Variants in EDC3 observed in about 807,000 individuals in gnomAD.
EDC3 encodes the protein enhancer of mRNA-decapping protein 3.
A neutral mutation model predicts 41.8 loss-of-function variants in EDC3; 20 were observed. That is an observed-to-expected ratio of 0.48 (90% CI 0.34 to 0.70). EDC3 has a LOEUF of 0.70. Among genes scored for constraint, EDC3 ranks in the 30% least tolerant of loss-of-function variants. The pLI is 0.01. For synonymous variants in EDC3, 206 were observed against 243.2 expected, an observed-to-expected ratio of 0.85 and a Z score of 1.42; for missense variants, 444 against 636.8, an observed-to-expected ratio of 0.70 and a Z score of 3.26.
chr15:74,679,549 G>C (rs1480117196), intron 1 of EDC3, among the ~76,000 whole-genome samples: 1 of 151,740 alleles, frequency 6.6e-6, no homozygotes, highest in Non-Finnish European at 1.5e-5. Context: ...ACAACAATAA[G>C]ACAAAAACAA....
chr15:74,632,743 G>A lies in EDC3; in HGVS notation c.1396C>T (p.Pro466Ser). Residue 466 changes from proline (P) to serine (S), a missense_variant, in exon 7 of 7, where the codon CCA (proline) becomes TCA (serine). Coordinates refer to ENST00000315127, the MANE Select transcript of EDC3 (RefSeq NM_025083.5). This position sits in a 1 kb window ranked among gnomAD's most constrained non-coding sequence, Gnocchi z 4.0. ...KWSLALGLPL[P>S]LGEHAGRIYL... ...ATACGGCCTGCGTGCTCCCCCAGTG[G>A]CAGAGGCAGGCCCAGTGCCAGTGAC... The A allele has an allele frequency of 1.2e-6, 2 of 1,614,228 alleles. No individual in the cohort carries two copies. The highest frequency in any genetic ancestry group is 8.5e-7 in the Non-Finnish European group (1 of 1,180,040).
chr15:74,690,443 A>G (rs1179440510), intron 1 of EDC3, among the ~76,000 whole-genome samples: 2 of 152,248 alleles, frequency 1.3e-5, no homozygotes, highest in Non-Finnish European at 2.9e-5. Context: ...CAAGTTGCCA[A>G]TTACAAATCT....
At chr15:74,640,978 T>C (rs1024104584) in intron 4 of EDC3, 1 of 248,492 alleles carries the variant, frequency 4.0e-6, no homozygotes, top group Non-Finnish European at 7.8e-6. Context: ...GAACATGATT[T>C]TCCCAAAGTG....
In EDC3 at chr15:74,675,156, G is replaced by A; in HGVS notation, c.-18-14C>T. On this transcript the variant is annotated splice_polypyrimidine_tract_variant and intron_variant, in intron 1 of 6. Coordinates refer to ENST00000315127, the MANE Select transcript of EDC3 (RefSeq NM_025083.5). ...CACGTGAGACCACTGTGAAGAGAAGGAACTATTCAGTGTGCCTTGGTGAAA... is the reference window on the plus strand; with the variant it reads ...CACGTGAGACCACTGTGAAGAGAAGAAACTATTCAGTGTGCCTTGGTGAAA... The A allele has an allele frequency of 1.2e-5, 20 of 1,608,158 alleles. No homozygotes were observed. The highest frequency in any genetic ancestry group is 1.7e-5 in the Non-Finnish European group (20 of 1,178,076).
chr15:74,666,187 C>T (rs1655827430), intron 3 of EDC3, among the ~76,000 whole-genome samples: 1 of 152,176 alleles, frequency 6.6e-6, no homozygotes, highest in South Asian at 2.1e-4. Context: ...GACCTTTTTA[C>T]TTACAGGGCT....
chr15:74,671,583 T>A lies in EDC3; in HGVS notation c.356A>T (p.Lys119Met), dbSNP rs753948126. The change falls in exon 3 of 7, where the codon AAG becomes ATG. Residue 119 changes from lysine (K) to methionine (M), a missense_variant. By Grantham distance (95) the Lys-to-Met change is moderately conservative (BLOSUM62 -1). Transcript: ENST00000315127. The surrounding 1 kb of genome is among the most constrained non-coding windows in gnomAD (Gnocchi z 4.6). ...ATCCTGGCTCTTCACATCTGTCCTC[T>A]TAGGGATATTCTGAGGGGCACTGCT... The part of the protein sequence containing the change: ...SSSSAPQNIP[K>M]RTDVKSQDVA... The A allele has an allele frequency of 1.9e-6, 3 of 1,614,056 alleles. No homozygotes were observed. The highest frequency in any genetic ancestry group is 1.1e-5 in the South Asian group (1 of 91,092).
At chr15:74,635,846 C>T in intron 5 of EDC3, 1 of 575,240 alleles carries the variant, frequency 1.7e-6, no homozygotes, top group Non-Finnish European at 3.1e-6. Context: ...CTGGGTCCTC[C>T]CACTAAGTGG....
chr15:74,685,703 C>T (rs936586706), intron 1 of EDC3, among the ~76,000 whole-genome samples: 1 of 152,102 alleles, frequency 6.6e-6, no homozygotes, highest in African/African-American at 2.4e-5. Context: ...CCTAACACTT[C>T]CCCACTCACA....
chr15:74,651,030 A>G (rs983746600), intron 4 of EDC3, among the ~76,000 whole-genome samples: 10 of 152,206 alleles, frequency 6.6e-5, no homozygotes, highest in Non-Finnish European at 1.5e-4. Flanking sequence ...AAAAAAATTA[A>G]AAAAAGAATC....
chr15:74,653,447 AC>A (rs1440838656), intron 4 of EDC3, among the ~76,000 whole-genome samples: 1 of 151,926 alleles, frequency 6.6e-6, no homozygotes, highest in Non-Finnish European at 1.5e-5. Flanking sequence ...CACAGAGAAA[AC>A]CCCCCTGTAG....
chr15:74,657,308 A>G (rs1297643027), intron 3 of EDC3, among the ~76,000 whole-genome samples: 1 of 152,226 alleles, frequency 6.6e-6, no homozygotes, highest in Non-Finnish European at 1.5e-5. Context: ...GGTGCCCAGA[A>G]GCGCTCATTC....
chr15:74,650,529 C>A (rs2062468507), intron 4 of EDC3, among the ~76,000 whole-genome samples: 1 of 152,228 alleles, frequency 6.6e-6, no homozygotes, highest in Non-Finnish European at 1.5e-5. Flanking sequence ...ACACCTAGTG[C>A]ACTTAATGTC....
chr15:74,663,600 T>C (rs1205023505), intron 3 of EDC3, among the ~76,000 whole-genome samples: 1 of 150,920 alleles, frequency 6.6e-6, no homozygotes. Context: ...ATCCAAAATC[T>C]GAAACACTTC....
intron 4 of EDC3, among the ~76,000 whole-genome samples, chr15:74,648,657 A>G (rs181082134): frequency 6.6e-6 from 1 of 152,304 alleles, no homozygotes; most frequent in Non-Finnish European, 1.5e-5. Flanking sequence ...AAGGAAATAA[A>G]TAGGAACTCT....
chr15:74,642,758 C>A (rs990105485), intron 4 of EDC3: 4 of 152,280 alleles, frequency 2.6e-5, no homozygotes, highest in African/African-American at 9.6e-5. Flanking sequence ...GCAGCCCCTC[C>A]CCTGCCCCCT....
chr15:74,691,394 A>T (rs2063006006), intron 1 of EDC3, among the ~76,000 whole-genome samples: 1 of 152,234 alleles, frequency 6.6e-6, no homozygotes, highest in Non-Finnish European at 1.5e-5. Context: ...TATAGTGTCT[A>T]CAACATAAAA....
intron 1 of EDC3, among the ~76,000 whole-genome samples, chr15:74,685,136 T>C (rs965721282): frequency 6.6e-6 from 1 of 152,198 alleles, no homozygotes; most frequent in Non-Finnish European, 1.5e-5. Flanking sequence ...GGTTCATGCC[T>C]GTAATCTCAG....
chr15:74,694,972 AAAG>A (rs1216401588), intron 1 of EDC3, among the ~76,000 whole-genome samples: 1 of 152,106 alleles, frequency 6.6e-6, no homozygotes, highest in Non-Finnish European at 1.5e-5. Context: ...AAAAAAAAAA[AAAG>A]ATTAGGATCC....
intron 3 of EDC3, among the ~76,000 whole-genome samples, chr15:74,660,431 ATATGTGTG>A (rs1174997029): frequency 1.3e-5 from 2 of 149,050 alleles, no homozygotes; most frequent in South Asian, 2.1e-4. Flanking sequence ...ATATATATAT[ATATGTGTG>A]TGTGTGTGTG....
Sources: allele counts gnomAD v4.1 joint callset (sites outside exome capture counted in the v4.1 genomes callset), GRCh38; gene constraint gnomAD v4.1.1; non-coding constraint Gnocchi (gnomAD v3.1); transcripts MANE v1.5; gene names NCBI Gene and HGNC (gene_info 2026-07-23, HGNC 2026-07-21).